Variants in BASP1 observed in about 807,000 individuals in gnomAD.
The protein encoded by BASP1 is brain acid soluble protein 1.
In BASP1, 1 loss-of-function variant was observed where a neutral mutation model predicts 2.2. The observed-to-expected ratio is 0.46, with a 90% CI of 0.16 to 2.17. BASP1 has a LOEUF of 2.17. Ranked by LOEUF, BASP1 falls within the 30% of genes most tolerant of loss-of-function variation. BASP1 has a pLI of 0.27. For missense variants in BASP1, 352 were observed against 327.2 expected (o/e 1.08, Z -0.58); for synonymous variants, 187 against 154.2 (o/e 1.21, Z -1.58).
At chr5:17,228,667 G>A (rs1040249971) in intron 1 of BASP1, among the ~76,000 whole-genome samples, 1 of 152,170 alleles carries the variant, frequency 6.6e-6, no homozygotes, top group African/African-American at 2.4e-5. Flanking sequence ...ATACTGCCAC[G>A]TTAAGGGGAG....
chr5:17,217,069 A>AGT (rs558143088), upstream of BASP1: 41,963 of 118,868 alleles, frequency 0.35, 8,390 homozygotes, highest in East Asian at 0.47. Context: ...AGAGAGAGAG[A>AGT]GTGAGAGAGA....
At chr5:17,249,154 C>T (rs1197077584) in intron 1 of BASP1, among the ~76,000 whole-genome samples, 1 of 152,028 alleles carries the variant, frequency 6.6e-6, no homozygotes, top group Non-Finnish European at 1.5e-5. Context: ...AGCTCAGACC[C>T]CCTTATTCTG....
In BASP1 at chr5:17,275,750, G is replaced by A; in HGVS notation, c.534G>A (p.Glu178=). The change falls in exon 2 of 2, where the codon GAG becomes GAA. Residue 178 remains glutamate, a synonymous_variant. Coordinates refer to ENST00000322611, the MANE Select transcript of BASP1 (RefSeq NM_006317.5). The surrounding 1 kb of genome is among the most constrained non-coding windows in gnomAD (Gnocchi z 5.3). ...CAGACTCAAAACCCGGCAGCTCGGA[G>A]GCTGCCCCCTCTTCCAAGGAGACCC... ...PASDSKPGSS[E]AAPSSKETPA... is the part of the protein sequence containing the mutation. 1 of 1,612,352 alleles carries A rather than the reference G, an allele frequency of 6.2e-7. No individual in the cohort carries two copies. Among genetic ancestry groups the A allele is most frequent in the Non-Finnish European group, 8.5e-7 (1 of 1,179,492 alleles).
chr5:17,265,369 G>T lies in BASP1; in HGVS notation c.-9-9839G>T, dbSNP rs149956569. ...CCAACAAAGTGCTACTGAAATGAAG[G>T]TTCAACAGTCCACAAATGGTGAGCC... On this transcript the variant is annotated intron_variant, in intron 1 of 1. Coordinates refer to ENST00000322611, the MANE Select transcript of BASP1 (RefSeq NM_006317.5). Among the ~76,000 whole-genome samples the T allele has an allele frequency of 4.2e-3, 635 of 152,280 alleles. 2 individuals carry two copies. The highest frequency in any genetic ancestry group is 6.5e-3 in the Non-Finnish European group (441 of 68,022).
At chr5:17,246,274 G>A (rs1188763480) in intron 1 of BASP1, among the ~76,000 whole-genome samples, 1 of 151,894 alleles carries the variant, frequency 6.6e-6, no homozygotes, top group Non-Finnish European at 1.5e-5. Context: ...AAGGTCAGGA[G>A]TTCGAGGCCT....
intron 1 of BASP1, among the ~76,000 whole-genome samples, chr5:17,221,662 C>G (rs553833837): frequency 6.6e-6 from 1 of 152,040 alleles, no homozygotes; most frequent in Non-Finnish European, 1.5e-5. Context: ...CAAATTTTCT[C>G]TAATTATATC....
intron 1 of BASP1, among the ~76,000 whole-genome samples, chr5:17,218,904 A>G (rs988250312): frequency 1.8e-4 from 28 of 151,988 alleles, no homozygotes; most frequent in Admixed American, 7.2e-4. Flanking sequence ...CCGCCTTGAA[A>G]CGAACTCGGT....
rs1158561483 is a variant in BASP1 at position 17,275,384 on chromosome 5, G to A, written c.168G>A (p.Glu56=). 1 of 1,594,452 alleles carries A rather than the reference G, an allele frequency of 6.3e-7. No individual in the cohort carries two copies. Among genetic ancestry groups the A allele is most frequent in the African/African-American group, 1.3e-5 (1 of 74,174 alleles). Residue 56 remains glutamate, a synonymous_variant, in exon 2 of 2, where the codon GAG becomes GAA. Coordinates refer to ENST00000322611, the MANE Select transcript of BASP1 (RefSeq NM_006317.5). The surrounding 1 kb of genome is among the most constrained non-coding windows in gnomAD (Gnocchi z 5.3). Reference sequence around the variant, plus strand: ...CCGCCGAGGCCAAGGAGGGCAAGGAGAAGCCCGACCAGGACGCCGAGGGCA... The same window carrying A: ...CCGCCGAGGCCAAGGAGGGCAAGGAAAAGCCCGACCAGGACGCCGAGGGCA... ...AEPAEAKEGK[E]KPDQDAEGKA... is the part of the protein sequence containing the mutation.
chr5:17,245,331 G>T (rs894456934), intron 1 of BASP1, among the ~76,000 whole-genome samples: 6 of 150,856 alleles, frequency 4.0e-5, no homozygotes, highest in Middle Eastern at 3.4e-3. Flanking sequence ...AAAAATCAGT[G>T]TTGAAATGTG....
intron 1 of BASP1, among the ~76,000 whole-genome samples, chr5:17,219,265 T>G (rs1006929313): frequency 6.6e-6 from 1 of 152,088 alleles, no homozygotes; most frequent in Non-Finnish European, 1.5e-5. Context: ...CCCATCTCCA[T>G]CATCCAGCCA....
intron 1 of BASP1, among the ~76,000 whole-genome samples, chr5:17,222,527 C>G (rs1739411022): frequency 6.6e-6 from 1 of 152,122 alleles, no homozygotes. Flanking sequence ...ATCAACCATA[C>G]AGAGTCCATT....
Position 17,275,649 on chromosome 5 carries a change from G to A in BASP1, c.433G>A (p.Glu145Lys). ...CGCCGGGGAGGAGCCCAGCAAGGAGGAAGGGGAACCCAAAAAGACTGAGGC... is the reference window on the plus strand; with the variant it reads ...CGCCGGGGAGGAGCCCAGCAAGGAGAAAGGGGAACCCAAAAAGACTGAGGC... ...PAAGEEPSKE[E>K]GEPKKTEAPA... The change falls in exon 2 of 2, where the codon GAA becomes AAA. Residue 145 changes from glutamate to lysine, a missense_variant. By Grantham distance (56) the Glu-to-Lys change is moderately conservative (BLOSUM62 1). Transcript: ENST00000322611. The surrounding 1 kb of genome is among the most constrained non-coding windows in gnomAD (Gnocchi z 5.3). 1.3e-6 allele frequency: 2 copies of A among 1,536,190 alleles called. No individual in the cohort carries two copies. Among genetic ancestry groups the A allele is most frequent in the Non-Finnish European group, 1.8e-6 (2 of 1,142,646 alleles).
intron 1 of BASP1, among the ~76,000 whole-genome samples, chr5:17,272,676 A>G (rs1740553946): frequency 6.6e-6 from 1 of 152,172 alleles, no homozygotes; most frequent in Non-Finnish European, 1.5e-5. Context: ...GTAGAGGTAA[A>G]TTAGCAAAAT....
At chr5:17,267,845 T>C (rs1656512847) in intron 1 of BASP1, among the ~76,000 whole-genome samples, 1 of 131,716 alleles carries the variant, frequency 7.6e-6, no homozygotes, top group Non-Finnish European at 1.7e-5. Context: ...TTTTTTTGCT[T>C]TTTAAAATTT....
intron 1 of BASP1, among the ~76,000 whole-genome samples, chr5:17,225,032 A>C (rs750985914): frequency 6.6e-6 from 1 of 152,214 alleles, no homozygotes; most frequent in Non-Finnish European, 1.5e-5. Flanking sequence ...TTAAAAGCTC[A>C]TGACTAAACA....
intron 1 of BASP1, among the ~76,000 whole-genome samples, chr5:17,261,121 A>G (rs1740304422): frequency 6.6e-6 from 1 of 152,266 alleles, no homozygotes; most frequent in Non-Finnish European, 1.5e-5. Flanking sequence ...GACCAAGACC[A>G]GATTGCACAG....
intron 1 of BASP1, among the ~76,000 whole-genome samples, chr5:17,237,084 G>A (rs1259850159): frequency 6.6e-6 from 1 of 152,126 alleles, no homozygotes; most frequent in South Asian, 2.1e-4. Flanking sequence ...GGTGGCTCAC[G>A]CCTGTAATTG....
At chr5:17,235,184 G>A (rs907660266) in intron 1 of BASP1, among the ~76,000 whole-genome samples, 2 of 152,050 alleles carry the variant, frequency 1.3e-5, no homozygotes, top group African/African-American at 2.4e-5. Context: ...TCACCTGACA[G>A]GCTAACTGCA....
At chr5:17,271,976 G>A (rs1481267052) in intron 1 of BASP1, among the ~76,000 whole-genome samples, 1 of 151,244 alleles carries the variant, frequency 6.6e-6, no homozygotes, top group Non-Finnish European at 1.5e-5. Flanking sequence ...CTGGGCAGGA[G>A]AATTGCTTGA....
Sources: gnomAD v4.1 joint callset for allele counts (sites outside exome capture counted in the v4.1 genomes callset) on GRCh38, gnomAD v4.1.1 for gene constraint, Gnocchi (gnomAD v3.1) non-coding constraint, MANE v1.5 for transcripts, NCBI Gene and HGNC (gene_info 2026-07-23, HGNC 2026-07-21) for gene names.